SIRT4: variants seen among roughly 807,000 people sequenced by gnomAD.
SIRT4 encodes NAD-dependent protein lipoamidase sirtuin-4, mitochondrial.
Under a neutral mutation model 26.1 loss-of-function variants are expected in SIRT4, and 23 were observed. The ratio of observed to expected loss-of-function variants is 0.88; its 90% confidence interval spans 0.63 to 1.25. The LOEUF is 1.25. SIRT4 is among the 50% of genes most tolerant of loss of function. SIRT4 has a pLI of 0.00. For synonymous variants in SIRT4, 155 were observed against 158.4 expected (o/e 0.98, Z 0.16); for missense variants, 361 against 405.4 (o/e 0.89, Z 0.94).
Position 120,303,844 on chromosome 12 carries a change from T to G in SIRT4, c.283T>G (p.Phe95Val), listed in dbSNP as rs1172887627. ...CCGCAGGCCCATCCAGCATGGTGAT[T>G]TTGTCCGGAGTGCCCCAATCCGCCA... ...TDRRPIQHGDFVRSAPIRQRY... is the reference protein window; with the variant it reads ...TDRRPIQHGDVVRSAPIRQRY... Residue 95 changes from phenylalanine (F) to valine (V), a missense_variant, in exon 2 of 4, where the codon TTT becomes GTT. Coordinates refer to ENST00000202967, the MANE Select transcript of SIRT4 (RefSeq NM_012240.3). 6.2e-7 allele frequency: 1 copy of G among 1,614,116 alleles called. No homozygotes were observed. Among genetic ancestry groups the G allele is most frequent in the South Asian group, 1.1e-5 (1 of 91,078 alleles).
upstream of SIRT4, among the ~76,000 whole-genome samples, chr12:120,297,901 A>AT: frequency 6.6e-6 from 1 of 152,142 alleles, no homozygotes; most frequent in South Asian, 2.1e-4. Context: ...GGGGATTATA[A>AT]TTTTTTTGAC....
rs754295757 is a variant in SIRT4, at chr12:120,313,050, T to G, written c.*14T>G. 1.9e-6 allele frequency: 3 copies of G among 1,613,924 alleles called. No individual in the cohort carries two copies. The Admixed American group carries it at 5.0e-5, about 27-fold the overall frequency. ...GACCCATGCTGACCACAGCCTGATA[T>G]TCCAGAACCTGGAACAGGGACTTTC... is the stretch of plus-strand genomic sequence containing the variant. On this transcript the variant is annotated 3_prime_UTR_variant, in exon 4 of 4. Coordinates refer to ENST00000202967, the MANE Select transcript of SIRT4 (RefSeq NM_012240.3).
At position 120,303,605 on chromosome 12, in the gene SIRT4, G is replaced by A. The variant is rs750002577; in HGVS notation, c.44G>A (p.Arg15His). ...FALTFRSAKG[R>H]WIANPSQPCS... ...TTGACTTTCAGGTCAGCAAAAGGCCGTTGGATCGCAAACCCCAGCCAGCCG... is the reference window on the plus strand; with the variant it reads ...TTGACTTTCAGGTCAGCAAAAGGCCATTGGATCGCAAACCCCAGCCAGCCG... The change falls in exon 2 of 4, where the codon CGT (arginine) becomes CAT (histidine). Residue 15 changes from arginine (R) to histidine (H), a missense_variant. Arg to His is a conservative substitution (Grantham distance 29). Transcript: ENST00000202967. 1.1e-5 allele frequency: 17 copies of A among 1,613,800 alleles called. No homozygotes were observed. The highest frequency in any genetic ancestry group is 3.3e-4 in the Middle Eastern group (2 of 6,082).
At chr12:120,295,940 A>G in the SIRT4 span, among the ~76,000 whole-genome samples, 1 of 151,464 alleles carries the variant, frequency 6.6e-6, no homozygotes, top group Non-Finnish European at 1.5e-5. Flanking sequence ...TACAAAAATT[A>G]ACGGGGCGTG....
chr12:120,296,319 G>A, the SIRT4 span, among the ~76,000 whole-genome samples: 3 of 151,098 alleles, frequency 2.0e-5, no homozygotes, highest in Non-Finnish European at 4.4e-5. Context: ...CCGGGTTCAC[G>A]CCATTCTCCT....
chr12:120,304,073 C>T lies in SIRT4; in HGVS notation c.497+15C>T, dbSNP rs1365928574. 2 of 1,601,900 alleles carry T rather than the reference C, an allele frequency of 1.2e-6. No homozygotes were observed. Among genetic ancestry groups the T allele is most frequent in the African/African-American group, 1.3e-5 (1 of 74,904 alleles). On this transcript the variant is annotated intron_variant, in intron 2 of 3. Transcript: ENST00000202967. ...TGCATGGACAGGTGCAGGAGCTGTA[C>T]ACGGTTTGAACGCAAACCCGTGTGT... is the stretch of plus-strand genomic sequence containing the variant.
At chr12:120,294,939 G>A in the SIRT4 span, among the ~76,000 whole-genome samples, 1 of 149,526 alleles carries the variant, frequency 6.7e-6, no homozygotes, top group East Asian at 2.0e-4. Context: ...CAGTTCTCCT[G>A]TCTCAGCCTC....
intron 2 of SIRT4, among the ~76,000 whole-genome samples, chr12:120,311,048 TAAAAAAA>T (rs761606021): frequency 4.0e-4 from 28 of 69,304 alleles, no homozygotes; most frequent in South Asian, 8.2e-4. Flanking sequence ...CCCTGTCTCT[TAAAAAAA>T]AAAAAAAAAA....
At chr12:120,305,068 C>A (rs1196411093) in intron 2 of SIRT4, among the ~76,000 whole-genome samples, 1 of 150,852 alleles carries the variant, frequency 6.6e-6, no homozygotes, top group Non-Finnish European at 1.5e-5. Context: ...GCAGGAGAAT[C>A]GCTTGAACCT....
At chr12:120,311,041 T>C (rs181561057) in intron 2 of SIRT4, among the ~76,000 whole-genome samples, 3,923 of 108,044 alleles carry the variant, frequency 0.036, 101 homozygotes, top group South Asian at 0.078. Context: ...AGCCTGACCC[T>C]GTCTCTTAAA....
Position 120,304,019 on chromosome 12 carries a change from G to A in SIRT4, c.458G>A (p.Gly153Glu), listed in dbSNP as rs760760134. ...GTGGATGCTTTGCACACCAAGGCGG[G>A]GAGTCGGCGCCTGACAGAGCTCCAC... ...QNVDALHTKA[G>E]SRRLTELHGC... The change falls in exon 2 of 4, where the codon GGG becomes GAG. Residue 153 changes from glycine (G) to glutamate (E), a missense_variant. Physicochemically the swap from Gly to Glu is moderately conservative, Grantham distance 98. Transcript: ENST00000202967. 39 of 1,611,774 alleles carry A rather than the reference G, an allele frequency of 2.4e-5. No homozygotes were observed. Among genetic ancestry groups the A allele is most frequent in the Non-Finnish European group, 3.1e-5 (37 of 1,180,018 alleles).
At chr12:120,294,625 G>T in the SIRT4 span, among the ~76,000 whole-genome samples, 1 of 152,022 alleles carries the variant, frequency 6.6e-6, no homozygotes, top group African/African-American at 2.4e-5. Context: ...CGCGATCTCA[G>T]CTCACTTCAA....
the SIRT4 span, chr12:120,293,261 C>CGG: frequency 2.6e-5 from 4 of 152,210 alleles, no homozygotes; most frequent in Non-Finnish European, 4.4e-5. Context: ...CCCTGCTCAT[C>CGG]ACTCCCAATA....
intron 2 of SIRT4, among the ~76,000 whole-genome samples, chr12:120,310,258 C>T (rs1872907666): frequency 1.3e-5 from 2 of 151,974 alleles, no homozygotes; most frequent in South Asian, 2.1e-4. Context: ...CCCAGCTGCT[C>T]GGGAGGCTGA....
the SIRT4 span, among the ~76,000 whole-genome samples, chr12:120,297,163 C>T: frequency 6.6e-6 from 1 of 151,970 alleles, no homozygotes; most frequent in Admixed American, 6.6e-5. Flanking sequence ...GCGGAGGTTG[C>T]AGTGAGCCTA....
chr12:120,309,877 G>C (rs558350842), intron 2 of SIRT4, among the ~76,000 whole-genome samples: 2 of 151,436 alleles, frequency 1.3e-5, no homozygotes, highest in Admixed American at 1.3e-4. Context: ...CACCACACCC[G>C]GCTAATTTTT....
chr12:120,308,940 C>A lies in SIRT4; in HGVS notation c.498-3516C>A, dbSNP rs1287081685. 1.3e-5 allele frequency among the ~76,000 whole-genome samples: 2 copies of A among 152,012 alleles called. 1 individual carries two copies. Among genetic ancestry groups the A allele is most frequent in the South Asian group, 4.2e-4 (2 of 4,816 alleles). ...ATCTCAGCACTTTGGGATGCCGAAG[C>A]GGGTGGATAACCTGAGGTCGGGAGT... On this transcript the variant is annotated intron_variant, in intron 2 of 3. Coordinates refer to ENST00000202967, the MANE Select transcript of SIRT4 (RefSeq NM_012240.3).
chr12:120,310,857 T>C (rs1872932669), intron 2 of SIRT4, among the ~76,000 whole-genome samples: 1 of 150,726 alleles, frequency 6.6e-6, no homozygotes, highest in Non-Finnish European at 1.5e-5. Flanking sequence ...TGCCTCAGCC[T>C]CCCGAGTAGC....
At chr12:120,304,092 C>T (rs944264093) in intron 2 of SIRT4, 34 bp downstream of exon 2, 15 of 1,591,246 alleles carry the variant, frequency 9.4e-6, no homozygotes, top group East Asian at 4.5e-5. Context: ...AACGCAAACC[C>T]GTGTGTTGTT....
Sources: allele counts gnomAD v4.1 joint callset (sites outside exome capture counted in the v4.1 genomes callset), GRCh38; gene constraint gnomAD v4.1.1; transcripts MANE v1.5; gene names NCBI Gene and HGNC (gene_info 2026-07-23, HGNC 2026-07-21).